Variants in LRRTM3 observed in about 807,000 individuals in gnomAD.
LRRTM3 encodes the protein leucine rich repeat transmembrane neuronal 3.
LRRTM3 carries 24 observed loss-of-function variants against 44.7 expected under a neutral mutation model. That is an observed-to-expected ratio of 0.54 (90% CI 0.39 to 0.76). The LOEUF (loss-of-function observed/expected upper bound fraction) is 0.76, where lower values mean the gene tolerates loss of function less well. Among genes scored for constraint, LRRTM3 ranks in the 30% least tolerant of loss-of-function variants. LRRTM3 has a pLI of 0.00. For missense variants in LRRTM3, 587 were observed against 702.2 expected, an observed-to-expected ratio of 0.84 and a Z score of 1.85; for synonymous variants, 277 against 278.7, an observed-to-expected ratio of 0.99 and a Z score of 0.06.
chr10:66,941,876 C>A (rs550249119), intron 2 of LRRTM3, among the ~76,000 whole-genome samples: 5 of 152,228 alleles, frequency 3.3e-5, no homozygotes, highest in Admixed American at 6.5e-5. Flanking sequence ...CCTAAAAAAA[C>A]CACTTTAAGA....
chr10:67,093,479 A>G (rs1857784621), intron 2 of LRRTM3, among the ~76,000 whole-genome samples: 1 of 151,904 alleles, frequency 6.6e-6, no homozygotes, highest in African/African-American at 2.4e-5. Flanking sequence ...GAAAAGAATA[A>G]AAGGACCCAA....
At chr10:66,941,881 T>A (rs951270377) in intron 2 of LRRTM3, among the ~76,000 whole-genome samples, 1 of 152,194 alleles carries the variant, frequency 6.6e-6, no homozygotes, top group Non-Finnish European at 1.5e-5. Flanking sequence ...AAAAACCACT[T>A]TAAGATAGAT....
Position 66,926,044 on chromosome 10 carries a change from G to A in LRRTM3, c.-540G>A, listed in dbSNP as rs767420371. The A allele has an allele frequency of 6.6e-6, 3 of 456,834 alleles. No homozygotes were observed. Among genetic ancestry groups the A allele is most frequent in the African/African-American group, 2.0e-5 (1 of 50,066 alleles). The allele number at this position is 456,834 out of a possible 1,614,324, so 28.3% of individuals were successfully genotyped here. A position where few individuals can be genotyped will look rare whatever the true frequency, so the allele number is the denominator to read the frequency against. ...TTCACTGAAACCAAAGCAACAGTCC[G>A]AGCAGCTTTCAGAATGACAGTCTGC... On this transcript the variant is annotated 5_prime_UTR_variant, in exon 1 of 3. Transcript: ENST00000361320.
intron 2 of LRRTM3, among the ~76,000 whole-genome samples, chr10:67,053,420 A>T (rs1855234017): frequency 6.6e-6 from 1 of 152,134 alleles, no homozygotes; most frequent in African/African-American, 2.4e-5. Context: ...CTTGAAGAAC[A>T]TTTTTATAAT....
chr10:67,017,840 G>A (rs1852755284), intron 2 of LRRTM3, among the ~76,000 whole-genome samples: 1 of 151,974 alleles, frequency 6.6e-6, no homozygotes, highest in South Asian at 2.1e-4. Context: ...CCCAATCTCG[G>A]CTCACTGCAA....
rs372153598 is a variant in LRRTM3, at chr10:66,978,458, C to T, written c.1536+50006C>T. Among the ~76,000 whole-genome samples, 34 of 131,602 alleles carry T rather than the reference C, an allele frequency of 2.6e-4. No homozygotes were observed. In the Admixed American group the frequency reaches 2.7e-3, roughly 10 times the overall value. 86.3% of individuals were successfully genotyped at this position (131,602 alleles called of 152,430 possible). ...AGGAGAATCACTTTAACCTGGGAGG[C>T]GGAGGTTGCAGTGAGTCTAGATCAC... On this transcript the variant is annotated intron_variant, in intron 2 of 2. Transcript: ENST00000361320.
chr10:67,008,560 A>G (rs758210474), intron 2 of LRRTM3, among the ~76,000 whole-genome samples: 7 of 152,144 alleles, frequency 4.6e-5, no homozygotes, highest in Non-Finnish European at 7.3e-5. Context: ...TAGCAAGGCA[A>G]TTCTCATCGG....
intron 2 of LRRTM3, among the ~76,000 whole-genome samples, chr10:67,052,248 C>A (rs1245201764): frequency 6.6e-6 from 1 of 151,866 alleles, no homozygotes; most frequent in African/African-American, 2.4e-5. Flanking sequence ...AAAGCACTGC[C>A]TCTTCCTACT....
At chr10:67,093,649 C>T (rs1451025291) in intron 2 of LRRTM3, among the ~76,000 whole-genome samples, 2 of 151,454 alleles carry the variant, frequency 1.3e-5, no homozygotes, top group East Asian at 2.0e-4. Flanking sequence ...AAGGACATAC[C>T]CTCCCAACAA....
intron 2 of LRRTM3, among the ~76,000 whole-genome samples, chr10:66,928,976 A>C (rs999136867): frequency 6.6e-6 from 1 of 152,216 alleles, no homozygotes; most frequent in African/African-American, 2.4e-5. Flanking sequence ...CTTAGAAAAG[A>C]AAATTGCAGG....
intron 2 of LRRTM3, among the ~76,000 whole-genome samples, chr10:67,011,483 C>T (rs1420602225): frequency 6.6e-6 from 1 of 152,080 alleles, no homozygotes; most frequent in East Asian, 1.9e-4. Flanking sequence ...AAGTGCTTTA[C>T]AGTGCTGCAT....
At chr10:66,998,334 T>C (rs1328374674) in intron 2 of LRRTM3, among the ~76,000 whole-genome samples, 1 of 152,136 alleles carries the variant, frequency 6.6e-6, no homozygotes, top group Admixed American at 6.5e-5. Context: ...AAATAGAAGA[T>C]AGAACAATAT....
chr10:67,035,710 G>A (rs945418782), intron 2 of LRRTM3, among the ~76,000 whole-genome samples: 1 of 152,102 alleles, frequency 6.6e-6, no homozygotes, highest in Non-Finnish European at 1.5e-5. Context: ...CAATAGACCT[G>A]AACCACATCA....
chr10:66,930,269 T>G (rs1240205575), intron 2 of LRRTM3, among the ~76,000 whole-genome samples: 2 of 152,216 alleles, frequency 1.3e-5, no homozygotes, highest in African/African-American at 4.8e-5. Flanking sequence ...TTAGTTACAA[T>G]GTTTACCCAT....
At chr10:67,088,206 T>A (rs1857419427) in intron 2 of LRRTM3, among the ~76,000 whole-genome samples, 1 of 151,290 alleles carries the variant, frequency 6.6e-6, no homozygotes, top group African/African-American at 2.4e-5. Flanking sequence ...TGTATTGGAA[T>A]GGCTTATGTT....
intron 2 of LRRTM3, among the ~76,000 whole-genome samples, chr10:66,988,894 G>A (rs546248340): frequency 8.6e-5 from 13 of 151,518 alleles, no homozygotes; most frequent in African/African-American, 2.9e-4. Flanking sequence ...AAATACACCG[G>A]GTTCCCCTAT....
intron 2 of LRRTM3, among the ~76,000 whole-genome samples, chr10:67,093,506 T>C (rs776775885): frequency 3.3e-5 from 5 of 151,818 alleles, no homozygotes; most frequent in African/African-American, 7.3e-5. Context: ...TTGATGGTTA[T>C]GTGAAGAGAA....
At chr10:67,028,489 T>A (rs995075905) in intron 2 of LRRTM3, among the ~76,000 whole-genome samples, 2 of 151,958 alleles carry the variant, frequency 1.3e-5, no homozygotes, top group African/African-American at 2.4e-5. Context: ...GTGGATGGCA[T>A]CTGGCAAACT....
chr10:67,024,885 C>A (rs1309479971), intron 2 of LRRTM3, among the ~76,000 whole-genome samples: 2 of 151,960 alleles, frequency 1.3e-5, no homozygotes, highest in East Asian at 3.9e-4. Context: ...AATCCTAGCA[C>A]TTTAGGGGGC....
Sources: gnomAD v4.1 joint callset for allele counts (sites outside exome capture counted in the v4.1 genomes callset) on GRCh38, gnomAD v4.1.1 for gene constraint, MANE v1.5 for transcripts, NCBI Gene and HGNC (gene_info 2026-07-23, HGNC 2026-07-21) for gene names.